The following RNF114 variants were observed in gnomAD, a reference collection of about 807,000 sequenced individuals.
The protein encoded by RNF114 is ring finger protein 114.
A neutral mutation model predicts 28.4 loss-of-function variants in RNF114; 6 were observed. The observed-to-expected ratio is 0.21, with a 90% confidence interval of 0.12 to 0.42. The LOEUF (loss-of-function observed/expected upper bound fraction) is 0.42. RNF114 is among the 10% of genes least tolerant of loss of function. RNF114 has a pLI of 1.00. For synonymous variants in RNF114, 115 were observed against 116.7 expected (o/e 0.99, Z 0.09); for missense variants, 249 against 311.7 (o/e 0.80, Z 1.51).
At chr20:49,942,803 G>A (rs1448679205) in intron 2 of RNF114, among the ~76,000 whole-genome samples, 1 of 152,098 alleles carries the variant, frequency 6.6e-6, no homozygotes, top group Non-Finnish European at 1.5e-5. Flanking sequence ...CATCCTGGGT[G>A]ATAGAGCCGG....
chr20:49,944,447 A>C (rs2090320767), intron 2 of RNF114: 2 of 152,212 alleles, frequency 1.3e-5, no homozygotes, highest in Non-Finnish European at 2.9e-5. Context: ...GGCATGCCTC[A>C]GAAAATGTTT....
At chr20:49,941,852 G>A (rs1318649591) in intron 2 of RNF114, 141 bp downstream of exon 2, 3 of 792,072 alleles carry the variant, frequency 3.8e-6, no homozygotes, top group Non-Finnish European at 5.9e-6. Context: ...TGTGGTGATG[G>A]CTGGGCTGGT....
intron 5 of RNF114, 87 bp downstream of exon 5, chr20:49,949,442 C>T (rs377625374): frequency 8.9e-7 from 1 of 1,121,058 alleles, no homozygotes; most frequent in African/African-American, 1.5e-5. Flanking sequence ...TGGGGATCCC[C>T]AGTGTTGAAC....
chr20:49,938,137 T>A (rs1185770429), intron 1 of RNF114, among the ~76,000 whole-genome samples: 1 of 152,218 alleles, frequency 6.6e-6, no homozygotes, highest in East Asian at 1.9e-4. Context: ...CCACTTATCC[T>A]TGGATCAGAT....
rs369621928 is a variant in RNF114, at chr20:49,947,926, G to A, written c.514-1322G>A. Among the ~76,000 whole-genome samples, 80 of 151,150 alleles carry A rather than the reference G, an allele frequency of 5.3e-4. No homozygotes were observed. In the East Asian group the frequency reaches 0.015, roughly 28 times the overall value. On this transcript the variant is annotated intron_variant, in intron 4 of 5. Coordinates refer to ENST00000244061, the MANE Select transcript of RNF114 (RefSeq NM_018683.4). ...CCTGCCTCAGCCTCCCGTGTAGCTG[G>A]GACTACAGGTGCGCGCCACCATGCC...
rs1474676297 is a variant in RNF114 at position 49,938,105 on chromosome 20, G to A, written c.140+1553G>A. On this transcript the variant is annotated intron_variant, in intron 1 of 5. Transcript: ENST00000244061. ...AGCAAGCTTCACGAGAGTTGAAGTG[G>A]TCTTTAGCTTTTTCATTGAATCCAC... is the stretch of plus-strand genomic sequence containing the variant. 3.9e-5 allele frequency among the ~76,000 whole-genome samples: 6 copies of A among 152,198 alleles called. No homozygotes were observed. The East Asian group carries it at 1.2e-3, about 29-fold the overall frequency.
Position 49,953,688 on chromosome 20 carries a change from G to C in RNF114, c.*1547G>C, listed in dbSNP as rs974770182. ...GAATTCAGATCATCTCAGAAGTCTG[G>C]AGGGAAATCTGGCGAAACCTTCGTT... On this transcript the variant is annotated 3_prime_UTR_variant, in exon 6 of 6. Coordinates refer to ENST00000244061, the MANE Select transcript of RNF114 (RefSeq NM_018683.4). 6.6e-6 allele frequency: 1 copy of C among 152,154 alleles called. No individual in the cohort carries two copies. Among genetic ancestry groups the C allele is most frequent in the Non-Finnish European group, 1.5e-5 (1 of 68,018 alleles). The allele number at this position is 152,154 out of a possible 1,614,324, so 9.4% of individuals were successfully genotyped here.
At chr20:49,937,764 A>C (rs1600867358) in intron 1 of RNF114, among the ~76,000 whole-genome samples, 1 of 152,098 alleles carries the variant, frequency 6.6e-6, no homozygotes, top group Non-Finnish European at 1.5e-5. Context: ...CCCCATCTAA[A>C]TTACTTCCCC....
intron 4 of RNF114, among the ~76,000 whole-genome samples, chr20:49,947,768 A>AGTT: frequency 1.2e-5 from 1 of 80,070 alleles, no homozygotes; most frequent in African/African-American, 4.9e-5. Flanking sequence ...TCCCTCTGCA[A>AGTT]GTTTTTTTTT....
At chr20:49,937,276 TCTAAG>T (rs762161006) in intron 1 of RNF114, among the ~76,000 whole-genome samples, 3 of 152,196 alleles carry the variant, frequency 2.0e-5, no homozygotes, top group Non-Finnish European at 4.4e-5. Flanking sequence ...TCGATTTGAA[TCTAAG>T]CCTTGTTCCA....
chr20:49,945,567 T>C, intron 3 of RNF114, 79 bp downstream of exon 3: 1 of 700,024 alleles, frequency 1.4e-6, no homozygotes, highest in South Asian at 1.7e-5. Flanking sequence ...AGGGGTTTAG[T>C]TGTATGAATT....
intron 3 of RNF114, 52 bp downstream of exon 3, chr20:49,945,540 A>C: frequency 1.9e-6 from 1 of 514,522 alleles, no homozygotes; most frequent in Non-Finnish European, 3.2e-6. Flanking sequence ...CTATTAATAC[A>C]AAGAGGTTGC....
In RNF114 at chr20:49,952,200, T is replaced by C. The variant is rs751328751; in HGVS notation, c.*59T>C. 2.1e-6 allele frequency: 3 copies of C among 1,417,446 alleles called. No individual in the cohort carries two copies. In the South Asian group the frequency reaches 3.4e-5, roughly 16 times the overall value. The allele number at this position is 1,417,446 out of a possible 1,614,324, so 87.8% of individuals were successfully genotyped here. ...CAGAGCTTCCATTACATATTAAACG[T>C]GAAATCTATGACTCCTGTACCTTAC... On this transcript the variant is annotated 3_prime_UTR_variant, in exon 6 of 6. Coordinates refer to ENST00000244061, the MANE Select transcript of RNF114 (RefSeq NM_018683.4).
chr20:49,952,010 C>CGGATCCAGTTGCTAGGCTGTCCTGCTTA, intron 5 of RNF114, 66 bp from the exon 6 acceptor site: 1 of 1,395,210 alleles, frequency 7.2e-7, no homozygotes, highest in Non-Finnish European at 1.0e-6. Context: ...TGTCCTGCTT[C>CGGATCCAGTTGCTAGGCTGTCCTGCTTA]TACTGAAAGC....
intron 4 of RNF114, among the ~76,000 whole-genome samples, chr20:49,947,103 C>T (rs1184304298): frequency 1.3e-5 from 2 of 151,124 alleles, no homozygotes; most frequent in East Asian, 3.9e-4. Context: ...GCCTTTAATC[C>T]CAGCTACTTG....
At chr20:49,942,270 A>G (rs2090310841) in intron 2 of RNF114, among the ~76,000 whole-genome samples, 2 of 152,130 alleles carry the variant, frequency 1.3e-5, no homozygotes, top group Non-Finnish European at 2.9e-5. Context: ...AAAAAAAGTC[A>G]ATATGAAATC....
At chr20:49,941,824 G>A (rs1329487879) in intron 2 of RNF114, 113 bp downstream of exon 2, 12 of 1,070,534 alleles carry the variant, frequency 1.1e-5, no homozygotes, top group African/African-American at 3.2e-5. Context: ...CTAACAGCAC[G>A]CGTGCATGCC....
intron 1 of RNF114, among the ~76,000 whole-genome samples, chr20:49,938,763 A>G (rs965861712): frequency 3.9e-5 from 6 of 152,248 alleles, no homozygotes; most frequent in African/African-American, 1.2e-4. Flanking sequence ...CTCAGGCACA[A>G]AGTGACTCGT....
intron 4 of RNF114, among the ~76,000 whole-genome samples, chr20:49,947,765 G>A (rs1426158012): frequency 3.0e-5 from 3 of 99,540 alleles, no homozygotes; most frequent in African/African-American, 1.1e-4. Context: ...CTCTCCCTCT[G>A]CAAGTTTTTT....
Sources: gnomAD v4.1 joint callset for allele counts (sites outside exome capture counted in the v4.1 genomes callset) on GRCh38, gnomAD v4.1.1 for gene constraint, MANE v1.5 for transcripts, NCBI Gene and HGNC (gene_info 2026-07-23, HGNC 2026-07-21) for gene names.